SCIMP: variants seen among roughly 807,000 people sequenced by gnomAD.
SCIMP encodes SLP adapter and CSK-interacting membrane protein.
A neutral mutation model predicts 22.0 loss-of-function variants in SCIMP; 18 were observed. The observed-to-expected ratio is 0.82, with a 90% CI of 0.56 to 1.21. The LOEUF is 1.21. Ranked by LOEUF, SCIMP falls within the 50% of genes most tolerant of loss-of-function variation. The pLI is 0.00. For missense variants in SCIMP, 155 were observed against 171.2 expected, an observed-to-expected ratio of 0.91 and a Z score of 0.53; for synonymous variants, 53 against 62.2, an observed-to-expected ratio of 0.85 and a Z score of 0.70.
At chr17:5,215,553 G>A (rs2074559617) in intron 3 of SCIMP, among the ~76,000 whole-genome samples, 1 of 152,180 alleles carries the variant, frequency 6.6e-6, no homozygotes, top group Non-Finnish European at 1.5e-5. Flanking sequence ...GGCGGAGGTT[G>A]CAGTGAGCCG....
In SCIMP at chr17:5,223,181, C is replaced by T. The variant is rs1313888987; in HGVS notation, c.145+152G>A. On this transcript the variant is annotated intron_variant, in intron 2 of 4. Transcript: ENST00000574081. ...GAGGCCTAGAGACATAATGTAGTGG[C>T]AGGGTTAGGACTCAAACCCAGAATG... 4 of 723,870 alleles carry T rather than the reference C, an allele frequency of 5.5e-6. No individual in the cohort carries two copies. The Admixed American group carries it at 9.4e-5, about 17-fold the overall frequency. The allele number at this position is 723,870 out of a possible 1,614,324, so 44.8% of individuals were successfully genotyped here. A position where few individuals can be genotyped will look rare whatever the true frequency, so the allele number is the denominator to read the frequency against.
chr17:5,211,483 C>G (rs1294698185), intron 4 of SCIMP, among the ~76,000 whole-genome samples: 2 of 150,734 alleles, frequency 1.3e-5, no homozygotes, highest in Non-Finnish European at 2.9e-5. Flanking sequence ...ATGATCACGC[C>G]ACTGCACTTC....
intron 1 of SCIMP, among the ~76,000 whole-genome samples, chr17:5,224,264 A>G (rs1485308662): frequency 6.6e-6 from 1 of 150,992 alleles, no homozygotes; most frequent in Non-Finnish European, 1.5e-5. Context: ...CCTCCCGAGT[A>G]GCTGGGACTA....
At chr17:5,227,858 T>G (rs1432141349) in intron 1 of SCIMP, among the ~76,000 whole-genome samples, 1 of 101,716 alleles carries the variant, frequency 9.8e-6, no homozygotes, top group African/African-American at 2.8e-5. Context: ...CGTGAAGGGA[T>G]GTCACTACCC....
At chr17:5,221,484 C>T in intron 2 of SCIMP, 134 bp from the exon 3 acceptor site, 1 of 699,410 alleles carries the variant, frequency 1.4e-6, no homozygotes. Flanking sequence ...GACAGTCTAA[C>T]CACAGAGCCT....
At chr17:5,233,251 C>T (rs570647778) in intron 1 of SCIMP, among the ~76,000 whole-genome samples, 1 of 152,268 alleles carries the variant, frequency 6.6e-6, no homozygotes, top group South Asian at 2.1e-4. Flanking sequence ...AAATGTAGTC[C>T]AAGTCCTCAT....
Position 5,210,747 on chromosome 17 carries a change from A to C in SCIMP, c.*54T>G, listed in dbSNP as rs1242641993. 2.6e-6 allele frequency: 4 copies of C among 1,567,900 alleles called. No individual in the cohort carries two copies. The East Asian group carries it at 6.7e-5, about 26-fold the overall frequency. On this transcript the variant is annotated 3_prime_UTR_variant, in exon 5 of 5. Coordinates refer to ENST00000574081, the MANE Select transcript of SCIMP (RefSeq NM_207103.3). ...AAGTTCAACCATTCTTGATTGTTTTAAAATAAGTTGTGTGAACCCTCTTCA... is the reference window on the plus strand; with the variant it reads ...AAGTTCAACCATTCTTGATTGTTTTCAAATAAGTTGTGTGAACCCTCTTCA...
chr17:5,215,202 G>C, intron 3 of SCIMP: 1 of 519,226 alleles, frequency 1.9e-6, no homozygotes, highest in Non-Finnish European at 3.4e-6. Context: ...TGTAGCCCTG[G>C]AAATGGCTGA....
Position 5,210,763 on chromosome 17 carries a change from A to C in SCIMP, c.*38T>G. 6.3e-7 allele frequency: 1 copy of C among 1,593,154 alleles called. No individual in the cohort carries two copies. The highest frequency in any genetic ancestry group is 2.2e-5 in the East Asian group (1 of 44,748). ...GATTGTTTTAAAATAAGTTGTGTGA[A>C]CCCTCTTCAGTTTTGCCAAAAAGAA... On this transcript the variant is annotated 3_prime_UTR_variant, in exon 5 of 5. Coordinates refer to ENST00000574081, the MANE Select transcript of SCIMP (RefSeq NM_207103.3).
At chr17:5,216,670 A>G (rs2074567666) in intron 3 of SCIMP, among the ~76,000 whole-genome samples, 1 of 152,140 alleles carries the variant, frequency 6.6e-6, no homozygotes, top group African/African-American at 2.4e-5. Context: ...CATCTCAAAA[A>G]CAAAAAAACA....
chr17:5,230,765 A>AAAAAC lies in SCIMP; in HGVS notation c.21+3965_21+3969dup, dbSNP rs746736451. Among the ~76,000 whole-genome samples, 243 of 152,116 alleles carry AAAAAC rather than the reference A, an allele frequency of 1.6e-3. 1 individual carries two copies. Among genetic ancestry groups the AAAAAC allele is most frequent in the African/African-American group, 4.2e-3 (173 of 41,508 alleles). ...GCGAGACTTTCTCTCTACTGAAAAT[A>AAAAAC]AAAACAAAACAAAACAAAACAAAAC... is the stretch of plus-strand genomic sequence containing the variant. On this transcript the variant is annotated intron_variant, in intron 1 of 4. Coordinates refer to ENST00000574081, the MANE Select transcript of SCIMP (RefSeq NM_207103.3).
At chr17:5,225,188 G>A (rs2074637800) in intron 1 of SCIMP, among the ~76,000 whole-genome samples, 1 of 152,218 alleles carries the variant, frequency 6.6e-6, no homozygotes, top group Admixed American at 6.5e-5. Context: ...AACACGGCCA[G>A]GTGCGGTGGC....
At chr17:5,221,219 A>G (rs776880853) in intron 3 of SCIMP, 68 bp downstream of exon 3, 1 of 1,138,326 alleles carries the variant, frequency 8.8e-7, no homozygotes, top group South Asian at 1.2e-5. Context: ...ACGGTAGTGG[A>G]GGGGCAAGGG....
intron 1 of SCIMP, 145 bp downstream of exon 1, chr17:5,234,590 C>T (rs2074729520): frequency 8.8e-6 from 7 of 793,786 alleles, no homozygotes; most frequent in Non-Finnish European, 1.5e-5. Flanking sequence ...CAACCCTACA[C>T]AGCAGTCGTA....
rs149633215 is a variant in SCIMP at position 5,231,596 on chromosome 17, C to T, written c.21+3139G>A. ...GCTTGACTAGGCTTGCACAGATTGC[C>T]GATGTCCTACTTTTCCCTCCAATCA... On this transcript the variant is annotated intron_variant, in intron 1 of 4. Coordinates refer to ENST00000574081, the MANE Select transcript of SCIMP (RefSeq NM_207103.3). Among the ~76,000 whole-genome samples, 113 of 152,216 alleles carry T rather than the reference C, an allele frequency of 7.4e-4. 1 individual carries two copies. Among genetic ancestry groups the T allele is most frequent in the Middle Eastern group, 3.4e-3 (1 of 294 alleles).
chr17:5,218,326 A>G (rs181386259), intron 3 of SCIMP, among the ~76,000 whole-genome samples: 193 of 150,368 alleles, frequency 1.3e-3, no homozygotes, highest in African/African-American at 4.3e-3. Context: ...CCCCTGGCCA[A>G]TACCAGTTTT....
At chr17:5,226,966 G>A (rs1022309929) in intron 1 of SCIMP, among the ~76,000 whole-genome samples, 13 of 152,132 alleles carry the variant, frequency 8.5e-5, no homozygotes, top group Admixed American at 2.0e-4. Context: ...GAAGCCCTGG[G>A]GAAGGATGAT....
intron 3 of SCIMP, among the ~76,000 whole-genome samples, chr17:5,216,037 C>T (rs867279867): frequency 6.6e-6 from 1 of 151,676 alleles, no homozygotes; most frequent in African/African-American, 2.4e-5. Context: ...CCAGTCTCTA[C>T]AAAAAAATCA....
intron 3 of SCIMP, 178 bp downstream of exon 3, chr17:5,221,109 A>G (rs1416766594): frequency 1.4e-6 from 1 of 699,420 alleles, no homozygotes; most frequent in Non-Finnish European, 2.6e-6. Context: ...CTTGCCCTGC[A>G]TCGACAATGT....
Sources: allele counts gnomAD v4.1 joint callset (sites outside exome capture counted in the v4.1 genomes callset), GRCh38; gene constraint gnomAD v4.1.1; transcripts MANE v1.5; gene names NCBI Gene and HGNC (gene_info 2026-07-23, HGNC 2026-07-21).